SDK1: variants seen among roughly 807,000 people sequenced by gnomAD.
SDK1 encodes sidekick cell adhesion molecule 1.
In SDK1, 157 loss-of-function variants were observed where a neutral mutation model predicts 245.5. The ratio of observed to expected loss-of-function variants is 0.64; its 90% confidence interval spans 0.56 to 0.73. The LOEUF (loss-of-function observed/expected upper bound fraction) is 0.73, where lower values mean the gene tolerates loss of function less well. Among genes scored for constraint, SDK1 ranks in the 30% least tolerant of loss-of-function variants. SDK1 has a pLI of 0.00. For synonymous variants in SDK1, 1,647 were observed against 1,278.5 expected, an observed-to-expected ratio of 1.29 and a Z score of -6.15; for missense variants, 3,583 against 3,002.3, an observed-to-expected ratio of 1.19 and a Z score of -4.52.
chr7:4,008,089 C>A (rs146259447), intron 14 of SDK1, among the ~76,000 whole-genome samples: 1 of 152,178 alleles, frequency 6.6e-6, no homozygotes, highest in Non-Finnish European at 1.5e-5. Flanking sequence ...GCTCCTCCTA[C>A]TTTCTGTCTC....
chr7:3,587,386 A>G (rs189725683), intron 1 of SDK1, among the ~76,000 whole-genome samples: 6 of 152,194 alleles, frequency 3.9e-5, no homozygotes, highest in Admixed American at 1.3e-4. Context: ...GAGAAGGCCC[A>G]TGATCTATCA....
chr7:4,242,080 C>G (rs1786560943), intron 43 of SDK1, among the ~76,000 whole-genome samples, 167 bp downstream of exon 43: 1 of 152,304 alleles, frequency 6.6e-6, no homozygotes, highest in Non-Finnish European at 1.5e-5. Context: ...AGCCCTGAGT[C>G]TAGGAGGGAC....
chr7:4,256,977 C>G (rs1392865496), intron 44 of SDK1, among the ~76,000 whole-genome samples: 1 of 152,352 alleles, frequency 6.6e-6, no homozygotes, highest in African/African-American at 2.4e-5. Flanking sequence ...TGAATTATGT[C>G]CTAAGTGTCA....
At chr7:4,056,676 C>G (rs1203034841) in intron 19 of SDK1, among the ~76,000 whole-genome samples, 2 of 152,140 alleles carry the variant, frequency 1.3e-5, no homozygotes, top group East Asian at 3.9e-4. Flanking sequence ...CGTAGGGAGA[C>G]TCTCACAGGG....
At chr7:4,009,114 A>T (rs1276413845) in intron 14 of SDK1, among the ~76,000 whole-genome samples, 1 of 152,232 alleles carries the variant, frequency 6.6e-6, no homozygotes, top group East Asian at 1.9e-4. Context: ...CCTAGTGGGT[A>T]TTAGATGCAA....
chr7:3,451,070 G>A (rs1447906764), intron 1 of SDK1, among the ~76,000 whole-genome samples: 2 of 152,126 alleles, frequency 1.3e-5, no homozygotes, highest in East Asian at 3.9e-4. Context: ...GAGAATGGGA[G>A]GCAAAGTGAG....
intron 5 of SDK1, among the ~76,000 whole-genome samples, chr7:3,840,007 G>T (rs912969087): frequency 1.3e-5 from 2 of 152,160 alleles, no homozygotes; most frequent in African/African-American, 4.8e-5. Context: ...TTTTTAAATG[G>T]TCATTGGTAG....
chr7:4,249,203 T>C (rs1432488460), intron 44 of SDK1, among the ~76,000 whole-genome samples: 2 of 152,180 alleles, frequency 1.3e-5, no homozygotes, highest in Admixed American at 1.3e-4. Context: ...ATCATCCTTA[T>C]GTAACAGGCA....
intron 1 of SDK1, among the ~76,000 whole-genome samples, chr7:3,360,295 C>A (rs1011525731): frequency 1.3e-5 from 2 of 152,188 alleles, no homozygotes; most frequent in Non-Finnish European, 2.9e-5. Flanking sequence ...TATATGCAAT[C>A]TGTTGAATGA....
chr7:3,530,302 G>T (rs778594976), intron 1 of SDK1, among the ~76,000 whole-genome samples: 1 of 152,090 alleles, frequency 6.6e-6, no homozygotes, highest in South Asian at 2.1e-4. Flanking sequence ...ATCATCTGTG[G>T]TATCCTTCAC....
At chr7:4,114,354 C>A in intron 25 of SDK1, 80 bp downstream of exon 25, 2 of 1,117,506 alleles carry the variant, frequency 1.8e-6, no homozygotes, top group South Asian at 3.0e-5. Flanking sequence ...AGATCCCAGG[C>A]TAGTGGCGTC....
intron 5 of SDK1, among the ~76,000 whole-genome samples, chr7:3,910,368 G>A (rs1185510555): frequency 1.3e-5 from 2 of 152,220 alleles, no homozygotes; most frequent in Non-Finnish European, 2.9e-5. Flanking sequence ...AAGACTCTCT[G>A]TGTTGGAGAA....
rs551117688 is a variant in SDK1, at chr7:3,597,221, C to A, written c.299-21859C>A. On this transcript the variant is annotated intron_variant, in intron 1 of 44. Transcript: ENST00000404826. ...CGGGAGGCGGAGCTTGCAGTGAGCC[C>A]AGATCGCGCCACTGCACTCCAGCCT... Among the ~76,000 whole-genome samples, 149 of 147,084 alleles carry A rather than the reference C, an allele frequency of 1.0e-3. 2 individuals carry two copies. In the South Asian group the frequency reaches 0.031, roughly 31 times the overall value.
chr7:3,602,641 A>G (rs1180073860), intron 1 of SDK1, among the ~76,000 whole-genome samples: 1 of 151,446 alleles, frequency 6.6e-6, no homozygotes, highest in Non-Finnish European at 1.5e-5. Flanking sequence ...GTTCACTCTG[A>G]TGTTAGTTTC....
chr7:3,301,277 GGGCGGC>G lies in SDK1; in HGVS notation c.-297_-292del, dbSNP rs540876108. Among the ~76,000 whole-genome samples the G allele has an allele frequency of 7.5e-5, 11 of 145,858 alleles. No homozygotes were observed. In the South Asian group the frequency reaches 1.0e-3, roughly 14 times the overall value. The stretch of plus-strand genomic sequence containing the variant: ...GCACTTTCTTCTCAGCGCCGGGCGG[GGGCGGC>G]GGCGGCGGCGGCTCCTCCGCGCCCG... On this transcript the variant is annotated 5_prime_UTR_variant, in exon 1 of 45. Transcript: ENST00000404826.
At chr7:4,249,284 G>T (rs1020554180) in intron 44 of SDK1, among the ~76,000 whole-genome samples, 1 of 152,208 alleles carries the variant, frequency 6.6e-6, no homozygotes, top group Admixed American at 6.5e-5. Flanking sequence ...TGGAGAGGCA[G>T]ACCTCAGCAT....
intron 1 of SDK1, among the ~76,000 whole-genome samples, chr7:3,457,526 A>G (rs1780709162): frequency 1.3e-5 from 2 of 152,212 alleles, no homozygotes; most frequent in African/African-American, 4.8e-5. Context: ...TAGCTGACCC[A>G]TACAGCATAC....
chr7:3,464,681 G>A (rs951149070), intron 1 of SDK1, among the ~76,000 whole-genome samples: 13 of 145,190 alleles, frequency 9.0e-5, no homozygotes, highest in Admixed American at 5.4e-4. Flanking sequence ...CATTATTCCC[G>A]TTCATTGTGT....
At chr7:4,197,120 A>C (rs1413116705) in intron 35 of SDK1, among the ~76,000 whole-genome samples, 5 of 152,158 alleles carry the variant, frequency 3.3e-5, no homozygotes, top group African/African-American at 9.7e-5. Context: ...TAGAGCAGCG[A>C]GGAGACCCAG....
Sources: allele counts gnomAD v4.1 joint callset (sites outside exome capture counted in the v4.1 genomes callset), GRCh38; gene constraint gnomAD v4.1.1; transcripts MANE v1.5; gene names NCBI Gene and HGNC (gene_info 2026-07-23, HGNC 2026-07-21).